Variants in TUBGCP6 observed in about 807,000 individuals in gnomAD.
TUBGCP6 encodes the protein tubulin gamma complex component 6.
A neutral mutation model predicts 175.8 loss-of-function variants in TUBGCP6; 161 were observed. That is an observed-to-expected ratio of 0.92 (90% CI 0.81 to 1.04). The LOEUF (loss-of-function observed/expected upper bound fraction) is 1.04, where lower values mean the gene tolerates loss of function less well. TUBGCP6 is among the 50% of genes least tolerant of loss of function. The probability of loss-of-function intolerance (pLI) is 0.00; values close to 1 mark genes in which losing one functional copy is unlikely to be tolerated. For synonymous variants in TUBGCP6, 1,173 were observed against 1,030.5 expected, an observed-to-expected ratio of 1.14 and a Z score of -2.65; for missense variants, 2,572 against 2,433.0, an observed-to-expected ratio of 1.06 and a Z score of -1.20.
intron 19 of TUBGCP6, 26 bp from the exon 20 acceptor site, chr22:50,219,235 G>GCGGGCCAGGA: frequency 6.2e-7 from 1 of 1,610,772 alleles, no homozygotes; most frequent in Non-Finnish European, 8.5e-7. Flanking sequence ...TGGAGTCAGG[G>GCGGGCCAGGA]CGGGCCAGGA....
Position 50,226,032 on chromosome 22 carries a change from A to G in TUBGCP6, c.1833+18T>C. ...GAAGACCGGCCCCTCTCTTCCCCAC[A>G]CATGAGCCCCTCCTCACCCGGGGGC... On this transcript the variant is annotated intron_variant, in intron 9 of 24. Transcript: ENST00000248846. The G allele has an allele frequency of 6.2e-7, 1 of 1,613,940 alleles. No individual in the cohort carries two copies. Among genetic ancestry groups the G allele is most frequent in the Non-Finnish European group, 8.5e-7 (1 of 1,179,932 alleles).
intron 2 of TUBGCP6, among the ~76,000 whole-genome samples, chr22:50,236,659 G>A (rs2064781769): frequency 6.6e-6 from 1 of 152,190 alleles, no homozygotes; most frequent in African/African-American, 2.4e-5. Flanking sequence ...GGGCTGGAGG[G>A]GGCAGGAGGA....
rs984148455 is a variant in TUBGCP6, at chr22:50,244,603, A to T, written c.-144T>A. ...TCCAATGCCGAAGCTCAGAACTGGT[A>T]TTTTTTAAAGGAGGTCTTGCGGTTG... On this transcript the variant is annotated 5_prime_UTR_variant, in exon 1 of 25. Coordinates refer to ENST00000248846, the MANE Select transcript of TUBGCP6 (RefSeq NM_020461.4). 4.5e-5 allele frequency: 60 copies of T among 1,324,838 alleles called. No homozygotes were observed. The highest frequency in any genetic ancestry group is 8.6e-5 in the Admixed American group (3 of 34,766). 82.1% of individuals were successfully genotyped at this position (1,324,838 alleles called of 1,614,324 possible).
intron 2 of TUBGCP6, among the ~76,000 whole-genome samples, chr22:50,239,166 G>A (rs576628577): frequency 8.5e-5 from 13 of 152,126 alleles, no homozygotes; most frequent in African/African-American, 2.6e-4. Context: ...GGGGAAGTGC[G>A]TGTTTTTTTG....
intron 2 of TUBGCP6, among the ~76,000 whole-genome samples, chr22:50,238,298 T>C (rs987221979): frequency 1.3e-5 from 2 of 150,754 alleles, no homozygotes; most frequent in Admixed American, 1.3e-4. Context: ...TTACAAAAAT[T>C]AGCTGGGCAT....
In TUBGCP6 at chr22:50,220,517, G is replaced by A; in HGVS notation, c.3842C>T (p.Ala1281Val). The change falls in exon 16 of 25, where the codon GCT (alanine) becomes GTT (valine). Residue 1281 changes from alanine to valine, a missense_variant. Physicochemically the swap from Ala to Val is moderately conservative, Grantham distance 64. Transcript: ENST00000248846. ...GTTGGGCTCAGCTTCTGGTGAGAGA[G>A]CCCCCAGCACCATGTGGGGCGGAGG... Reference protein sequence around the residue: ...PIPPPHMVLGALSPEAEPNTP... With the variant: ...PIPPPHMVLGVLSPEAEPNTP... 16 of 1,613,456 alleles carry A rather than the reference G, an allele frequency of 9.9e-6. No homozygotes were observed. The highest frequency in any genetic ancestry group is 1.4e-5 in the Non-Finnish European group (16 of 1,180,010).
rs1401611632 is a variant in TUBGCP6, at chr22:50,233,898, C to G, written c.906-372G>C. 5.3e-5 allele frequency among the ~76,000 whole-genome samples: 8 copies of G among 152,036 alleles called. No homozygotes were observed. The East Asian group carries it at 1.3e-3, about 26-fold the overall frequency. On this transcript the variant is annotated intron_variant, in intron 2 of 24. Coordinates refer to ENST00000248846, the MANE Select transcript of TUBGCP6 (RefSeq NM_020461.4). ...AAGTATTCTTCTGTTAGAAACAAAA[C>G]AAGATTTGTACACCCATGTACACAA...
In TUBGCP6 at chr22:50,218,646, C is replaced by CAA. The variant is rs762732524; in HGVS notation, c.4822-27_4822-26insTT. 3 of 1,613,736 alleles carry CAA rather than the reference C, an allele frequency of 1.9e-6. No individual in the cohort carries two copies. In the South Asian group the frequency reaches 3.3e-5, roughly 18 times the overall value. On this transcript the variant is annotated intron_variant, in intron 21 of 24. Coordinates refer to ENST00000248846, the MANE Select transcript of TUBGCP6 (RefSeq NM_020461.4). ...CTGCCAGGAGGCGTGGCTCAGCAGG[C>CAA]ATCCCACAGGCAGGCAGGCCCCTGT...
rs55647714 is a variant in TUBGCP6, at chr22:50,241,983, C to CAAAAA, written c.742-1621_742-1617dup. On this transcript the variant is annotated intron_variant, in intron 1 of 24. Coordinates refer to ENST00000248846, the MANE Select transcript of TUBGCP6 (RefSeq NM_020461.4). ...CTGGTCCCTACACAAGACTCCATCTCAAAAAAAAAAAAAAAAAAAAAAAAA... is the reference window on the plus strand; with the variant it reads ...CTGGTCCCTACACAAGACTCCATCTCAAAAAAAAAAAAAAAAAAAAAAAAAAAAAA... Among the ~76,000 whole-genome samples, 398 of 92,712 alleles carry CAAAAA rather than the reference C, an allele frequency of 4.3e-3. 36 individuals carry two copies. Among genetic ancestry groups the CAAAAA allele is most frequent in the African/African-American group, 5.0e-3 (100 of 19,806 alleles). 60.8% of individuals were successfully genotyped at this position (92,712 alleles called of 152,430 possible). A position where few individuals can be genotyped will look rare whatever the true frequency, so the allele number is the denominator to read the frequency against.
In TUBGCP6 at chr22:50,243,836, T is replaced by C. The variant is rs903007573; in HGVS notation, c.624A>G (p.Arg208=). The change falls in exon 1 of 25, where the codon AGA becomes AGG. Residue 208 remains arginine, a synonymous_variant. Transcript: ENST00000248846. Reference sequence around the variant, plus strand: ...CCCCGAAGAGCGAGACCCGGGTGTCTCTCTCGAACCTGTCACCACAAGGGT... The same window carrying C: ...CCCCGAAGAGCGAGACCCGGGTGTCCCTCTCGAACCTGTCACCACAAGGGT... ...FGDPCGDRFE[R]DTRVSLFGAL... The C allele has an allele frequency of 1.2e-6, 2 of 1,613,638 alleles. No homozygotes were observed. Among genetic ancestry groups the C allele is most frequent in the Non-Finnish European group, 1.7e-6 (2 of 1,179,994 alleles).
Position 50,224,386 on chromosome 22 carries a change from G to C in TUBGCP6, c.2100C>G (p.Ala700=), listed in dbSNP as rs1355914811. The change falls in exon 12 of 25, where the codon GCC becomes GCG. Residue 700 remains alanine, a synonymous_variant. Transcript: ENST00000248846. ...GCCTCTGAAACTGCTCACGCTTCCG[G>C]GCATCCAAGGCCATCCGTTCTGACA... The part of the protein sequence containing the change: ...RQMSERMALD[A]RKREQFQRLK... 1.9e-6 allele frequency: 3 copies of C among 1,614,130 alleles called. No homozygotes were observed. The East Asian group carries it at 6.7e-5, about 36-fold the overall frequency.
At chr22:50,220,153 G>C (rs1309933688) in intron 16 of TUBGCP6, 98 bp downstream of exon 16, 7 of 1,549,222 alleles carry the variant, frequency 4.5e-6, no homozygotes, top group Non-Finnish European at 6.1e-6. Flanking sequence ...GGAGGCCTGA[G>C]GGGAACTTCA....
At chr22:50,220,146 G>T (rs1289913841) in intron 16 of TUBGCP6, 105 bp downstream of exon 16, 1 of 1,546,614 alleles carries the variant, frequency 6.5e-7, no homozygotes, top group African/African-American at 1.4e-5. Flanking sequence ...CTGACAAGGA[G>T]GCCTGAGGGG....
At chr22:50,222,423 G>T (rs376667028) in intron 14 of TUBGCP6, 31 bp downstream of exon 14, 100 of 1,611,646 alleles carry the variant, frequency 6.2e-5, no homozygotes, top group Non-Finnish European at 8.2e-5. Flanking sequence ...AAGCCCAGGG[G>T]AAGAGCTGCC....
chr22:50,244,310 A>G lies in TUBGCP6; in HGVS notation c.150T>C (p.Phe50=), dbSNP rs2064889767. 6.2e-7 allele frequency: 1 copy of G among 1,613,598 alleles called. No individual in the cohort carries two copies. Among genetic ancestry groups the G allele is most frequent in the South Asian group, 1.1e-5 (1 of 91,082 alleles). The change falls in exon 1 of 25, where the codon TTT becomes TTC. Residue 50 remains phenylalanine, a synonymous_variant. Coordinates refer to ENST00000248846, the MANE Select transcript of TUBGCP6 (RefSeq NM_020461.4). ...VAYNALFTNL[F]QDETQQLQPD... is the part of the protein sequence containing the mutation. ...GCTGCAGCTGTTGAGTCTCATCTTGAAAAAGATTTGTGAAAAGAGCATTGT... is the reference window on the plus strand; with the variant it reads ...GCTGCAGCTGTTGAGTCTCATCTTGGAAAAGATTTGTGAAAAGAGCATTGT...
intron 2 of TUBGCP6, 120 bp from the exon 3 acceptor site, chr22:50,233,646 C>T: frequency 1.0e-6 from 1 of 993,564 alleles, no homozygotes; most frequent in African/African-American, 1.6e-5. Flanking sequence ...AAACAATAAA[C>T]TCTAAGAAAC....
chr22:50,218,027 G>A lies in TUBGCP6; in HGVS notation c.5259C>T (p.Ser1753=). Residue 1753 remains serine (S), a synonymous_variant, in exon 24 of 25, where the codon TCC becomes TCT. Coordinates refer to ENST00000248846, the MANE Select transcript of TUBGCP6 (RefSeq NM_020461.4). ...LVLKFRSQLI[S]QAWGPPGGPR... is the part of the protein sequence containing the mutation. ...GGCCCCCAGGGGGCCCCCAGGCCTGGGAGATGAGCTGGCTGCGGAACTTGA... is the reference window on the plus strand; with the variant it reads ...GGCCCCCAGGGGGCCCCCAGGCCTGAGAGATGAGCTGGCTGCGGAACTTGA... The A allele has an allele frequency of 6.2e-7, 1 of 1,613,328 alleles. No homozygotes were observed. Among genetic ancestry groups the A allele is most frequent in the Non-Finnish European group, 8.5e-7 (1 of 1,179,870 alleles).
In TUBGCP6 at chr22:50,229,491, G is replaced by A. The variant is rs778955077; in HGVS notation, c.1203C>T (p.Ala401=). The change falls in exon 4 of 25, where the codon GCC becomes GCT. Residue 401 remains alanine, a synonymous_variant. Coordinates refer to ENST00000248846, the MANE Select transcript of TUBGCP6 (RefSeq NM_020461.4). ...GGCGCGTGTAGCAGGTCCCATACTC[G>A]GCCACTTCCGAGAGCAGGCTGCTGA... The part of the protein sequence containing the change: ...ESISSLLSEV[A]EYGTCYTRLS... 2.1e-5 allele frequency: 34 copies of A among 1,611,632 alleles called. No homozygotes were observed. The African/African-American group carries it at 2.4e-4, about 11-fold the overall frequency.
chr22:50,238,141 G>C (rs1265622013), intron 2 of TUBGCP6, among the ~76,000 whole-genome samples: 1 of 147,190 alleles, frequency 6.8e-6, no homozygotes, highest in Admixed American at 6.7e-5. Flanking sequence ...AAAGAAAAGA[G>C]AGAGAGAGAG....
Sources: gnomAD v4.1 joint callset for allele counts (sites outside exome capture counted in the v4.1 genomes callset) on GRCh38, gnomAD v4.1.1 for gene constraint, MANE v1.5 for transcripts, NCBI Gene and HGNC (gene_info 2026-07-23, HGNC 2026-07-21) for gene names.